The following TRPM3 variants were observed in gnomAD, a reference collection of about 807,000 sequenced individuals.
TRPM3 encodes transient receptor potential cation channel subfamily M member 3, also known as long transient receptor potential channel 3.
Under a neutral mutation model 181.2 loss-of-function variants are expected in TRPM3, and 77 were observed. The observed-to-expected ratio is 0.42, with a 90% CI of 0.35 to 0.51. The LOEUF (loss-of-function observed/expected upper bound fraction) is 0.51. Ranked by LOEUF, TRPM3 falls within the 20% of genes least tolerant of loss-of-function variation. TRPM3 has a pLI of 0.01. For synonymous variants in TRPM3, 745 were observed against 796.4 expected (o/e 0.94, Z 1.09); for missense variants, 1,759 against 2,196.7 (o/e 0.80, Z 3.98).
intron 22 of TRPM3, among the ~76,000 whole-genome samples, chr9:70,572,114 T>TTTGTG (rs147795934): frequency 1.3e-5 from 2 of 149,862 alleles, no homozygotes; most frequent in African/African-American, 4.9e-5. Context: ...TCCCAGTTAC[T>TTTGTG]TGTGTGTGTG....
chr9:71,181,976 T>C (rs1019479528), intron 1 of TRPM3, among the ~76,000 whole-genome samples: 4 of 152,114 alleles, frequency 2.6e-5, no homozygotes, highest in Non-Finnish European at 1.5e-5. Flanking sequence ...AATCTGCATG[T>C]TTACAAGCTC....
intron 25 of TRPM3, among the ~76,000 whole-genome samples, chr9:70,539,918 T>C (rs1352231319): frequency 1.3e-5 from 2 of 152,220 alleles, no homozygotes; most frequent in Non-Finnish European, 2.9e-5. Context: ...CACTGCAACC[T>C]TAACCTCCTG....
intron 1 of TRPM3, among the ~76,000 whole-genome samples, chr9:71,096,189 T>G (rs1334076852): frequency 6.6e-6 from 1 of 151,506 alleles, no homozygotes; most frequent in Non-Finnish European, 1.5e-5. Flanking sequence ...AAAAAAAATG[T>G]AAATTCAGAA....
At chr9:70,650,675 C>T (rs2059491108) in intron 9 of TRPM3, among the ~76,000 whole-genome samples, 1 of 151,764 alleles carries the variant, frequency 6.6e-6, no homozygotes, top group African/African-American at 2.4e-5. Flanking sequence ...CTCTTTAATC[C>T]CCATGAACTC....
At chr9:71,266,954 T>C (rs561649856) in intron 1 of TRPM3, among the ~76,000 whole-genome samples, 1 of 128,732 alleles carries the variant, frequency 7.8e-6, no homozygotes, top group South Asian at 2.6e-4. Flanking sequence ...TATATACTTC[T>C]CTGGCCAAAA....
upstream of TRPM3, among the ~76,000 whole-genome samples, chr9:71,124,367 C>T (rs184878984): frequency 2.8e-4 from 43 of 151,112 alleles, no homozygotes; most frequent in East Asian, 7.8e-3. Context: ...CTCACAAATT[C>T]AAAGTGCTTA....
intron 1 of TRPM3, among the ~76,000 whole-genome samples, chr9:71,016,155 A>C (rs1273728230): frequency 6.6e-6 from 1 of 151,916 alleles, no homozygotes; most frequent in East Asian, 1.9e-4. Context: ...AAAAAAAAAA[A>C]AATTCTGAAG....
chr9:70,771,888 G>A (rs1176055487), intron 7 of TRPM3, among the ~76,000 whole-genome samples: 2 of 152,004 alleles, frequency 1.3e-5, no homozygotes, highest in African/African-American at 2.4e-5. Flanking sequence ...TATTACTTTT[G>A]TCTATCTAAC....
intron 1 of TRPM3, among the ~76,000 whole-genome samples, chr9:71,367,446 T>C (rs1046665178): frequency 6.6e-6 from 1 of 152,190 alleles, no homozygotes; most frequent in African/African-American, 2.4e-5. Context: ...TAAATTCACC[T>C]GTAAAAGGCA....
At chr9:71,058,823 T>A (rs1373308123) in intron 1 of TRPM3, among the ~76,000 whole-genome samples, 2 of 151,884 alleles carry the variant, frequency 1.3e-5, no homozygotes, top group African/African-American at 2.4e-5. Context: ...AGGCAGCCAA[T>A]TTATCACACC....
chr9:70,915,203 A>G (rs2096578894), intron 1 of TRPM3, among the ~76,000 whole-genome samples: 1 of 152,244 alleles, frequency 6.6e-6, no homozygotes, highest in Admixed American at 6.5e-5. Context: ...GATAACACAG[A>G]GAAGGAATTC....
chr9:70,932,850 G>A (rs1000136121), intron 1 of TRPM3, among the ~76,000 whole-genome samples: 1 of 152,152 alleles, frequency 6.6e-6, no homozygotes, highest in African/African-American at 2.4e-5. Context: ...GCTGAGTGTA[G>A]AACATCTTAG....
intron 1 of TRPM3, among the ~76,000 whole-genome samples, chr9:71,174,243 T>C (rs1209649864): frequency 6.6e-6 from 1 of 152,108 alleles, no homozygotes; most frequent in African/African-American, 2.4e-5. Context: ...CCAGCAGGCC[T>C]TTGAAAATGG....
At chr9:71,023,936 G>A (rs1285494755) in intron 1 of TRPM3, among the ~76,000 whole-genome samples, 1 of 152,150 alleles carries the variant, frequency 6.6e-6, no homozygotes, top group Non-Finnish European at 1.5e-5. Flanking sequence ...GTGGTTACAT[G>A]AACATACACA....
In TRPM3 at chr9:70,532,526, C is replaced by G. The variant is rs1412213073; in HGVS notation, c.*3427G>C. 5 of 152,126 alleles carry G rather than the reference C, an allele frequency of 3.3e-5. No homozygotes were observed. Among genetic ancestry groups the G allele is most frequent in the African/African-American group, 9.7e-5 (4 of 41,402 alleles). The allele number at this position is 152,126 out of a possible 1,614,324, so 9.4% of individuals were successfully genotyped here. A position where few individuals can be genotyped will look rare whatever the true frequency, so the allele number is the denominator to read the frequency against. On this transcript the variant is annotated 3_prime_UTR_variant, in exon 26 of 26. Coordinates refer to ENST00000677713, the MANE Select transcript of TRPM3 (RefSeq NM_001366145.2). ...ATACAAACTAGTCATGAAAATTGTA[C>G]CCAAGCTTTCCAGCTCCTCATTCAA...
chr9:71,267,708 T>G (rs2083485359), intron 1 of TRPM3, among the ~76,000 whole-genome samples: 2 of 152,192 alleles, frequency 1.3e-5, no homozygotes, highest in Admixed American at 6.6e-5. Flanking sequence ...CTTTTATTTT[T>G]TAAATGCCCA....
Position 70,898,972 on chromosome 9 carries a change from T to C in TRPM3, c.178-34461A>G, listed in dbSNP as rs543545217. Reference sequence around the variant, plus strand: ...GCTTAATTGGTAAGTTTGTTACCAATATGAAGCTTGGACAACAGAAATCAT... The same window carrying C: ...GCTTAATTGGTAAGTTTGTTACCAACATGAAGCTTGGACAACAGAAATCAT... On this transcript the variant is annotated intron_variant, in intron 1 of 25. Transcript: ENST00000677713. Among the ~76,000 whole-genome samples the C allele has an allele frequency of 9.2e-5, 14 of 152,226 alleles. No homozygotes were observed. In the South Asian group the frequency reaches 2.9e-3, roughly 32 times the overall value.
intron 1 of TRPM3, among the ~76,000 whole-genome samples, chr9:70,957,392 T>G (rs544892536): frequency 6.6e-6 from 1 of 152,286 alleles, no homozygotes; most frequent in East Asian, 1.9e-4. Context: ...AAGCATCGAC[T>G]ACTTGTTACC....
intron 1 of TRPM3, among the ~76,000 whole-genome samples, chr9:71,380,532 G>C (rs895756306): frequency 6.6e-6 from 1 of 152,038 alleles, no homozygotes; most frequent in Admixed American, 6.6e-5. Context: ...CAAGCCCACA[G>C]GGTTGGCCAC....
Sources: allele counts gnomAD v4.1 joint callset (sites outside exome capture counted in the v4.1 genomes callset), GRCh38; gene constraint gnomAD v4.1.1; transcripts MANE v1.5; gene names NCBI Gene and HGNC (gene_info 2026-07-23, HGNC 2026-07-21).